KANK1: variants seen among roughly 807,000 people sequenced by gnomAD.
The protein encoded by KANK1 is KN motif and ankyrin repeat domain-containing protein 1.
A neutral mutation model predicts 106.2 loss-of-function variants in KANK1; 109 were observed. The ratio of observed to expected loss-of-function variants is 1.03; its 90% confidence interval spans 0.88 to 1.20. KANK1 has a LOEUF of 1.20. Among genes scored for constraint, KANK1 ranks in the 50% most tolerant of loss-of-function variants. The pLI is 0.00. For missense variants in KANK1, 2,399 were observed against 1,710.7 expected (o/e 1.40, Z -7.10); for synonymous variants, 873 against 652.2 (o/e 1.34, Z -5.16).
chr9:596,356 G>A (rs1189390267), intron 1 of KANK1, among the ~76,000 whole-genome samples: 1 of 151,900 alleles, frequency 6.6e-6, no homozygotes, highest in Non-Finnish European at 1.5e-5. Context: ...GTAAGGGAGG[G>A]TGTAGAACTT....
At chr9:634,598 A>G (rs140437587) in intron 1 of KANK1, among the ~76,000 whole-genome samples, 9 of 152,294 alleles carry the variant, frequency 5.9e-5, no homozygotes, top group African/African-American at 2.2e-4. Flanking sequence ...GGCCTTTATT[A>G]GTCTTACAAA....
chr9:711,007 G>C lies in KANK1; in HGVS notation c.241G>C (p.Gly81Arg), dbSNP rs1274427584. 3.1e-6 allele frequency: 5 copies of C among 1,614,138 alleles called. No homozygotes were observed. Reference sequence around the variant, plus strand: ...ATGCCCAGAACCCAGGACCACATCTGGTCAGCAAGGTATATGGACTTCCAC... The same window carrying C: ...ATGCCCAGAACCCAGGACCACATCTCGTCAGCAAGGTATATGGACTTCCAC... Reference protein sequence around the residue: ...VPCPEPRTTSGQQGIWTSTES... With the variant: ...VPCPEPRTTSRQQGIWTSTES... The change falls in exon 3 of 12, where the codon GGT becomes CGT. Residue 81 changes from glycine (G) to arginine (R), a missense_variant. Gly to Arg is a moderately radical substitution (Grantham distance 125, BLOSUM62 -2). Coordinates refer to ENST00000382297, the MANE Select transcript of KANK1 (RefSeq NM_015158.5).
intron 1 of KANK1, among the ~76,000 whole-genome samples, chr9:528,302 C>G (rs943735225): frequency 6.6e-6 from 1 of 151,694 alleles, no homozygotes; most frequent in Non-Finnish European, 1.5e-5. Context: ...ATAACTTTCC[C>G]TCTTTTCATT....
chr9:660,843 C>T (rs557391998), intron 1 of KANK1, among the ~76,000 whole-genome samples: 1 of 152,300 alleles, frequency 6.6e-6, no homozygotes, highest in East Asian at 1.9e-4. Flanking sequence ...AGGCCCCCTT[C>T]CCAATAGCGA....
intron 1 of KANK1, among the ~76,000 whole-genome samples, chr9:570,531 C>G (rs895269368): frequency 6.6e-6 from 1 of 152,138 alleles, no homozygotes; most frequent in African/African-American, 2.4e-5. Flanking sequence ...GTTAGAGGAT[C>G]TTTCATCAGC....
At chr9:482,729 G>C (rs949560079) in intron 3 of KANK1, among the ~76,000 whole-genome samples, 10 of 152,216 alleles carry the variant, frequency 6.6e-5, no homozygotes, top group African/African-American at 2.4e-4. Flanking sequence ...TTGGATGTAA[G>C]CAGCTGCCAT....
In KANK1 at chr9:711,016, G is replaced by A. The variant is rs1825893990; in HGVS notation, c.250G>A (p.Gly84Ser). 1.2e-6 allele frequency: 2 copies of A among 1,614,044 alleles called. No homozygotes were observed. Among genetic ancestry groups the A allele is most frequent in the Non-Finnish European group, 1.7e-6 (2 of 1,180,036 alleles). ...ACCCAGGACCACATCTGGTCAGCAA[G>A]GTATATGGACTTCCACTGAATCCCT... Reference protein sequence around the residue: ...PEPRTTSGQQGIWTSTESLSS... With the variant: ...PEPRTTSGQQSIWTSTESLSS... Residue 84 changes from glycine (G) to serine (S), a missense_variant, in exon 3 of 12, where the codon GGT becomes AGT. Transcript: ENST00000382297.
intron 3 of KANK1, among the ~76,000 whole-genome samples, chr9:485,869 CAAA>C (rs58910749): frequency 2.1e-3 from 206 of 98,306 alleles, no homozygotes; most frequent in Admixed American, 3.4e-3. Context: ...AGAATTGTCT[CAAA>C]AAAAAAAAAA....
chr9:541,828 G>A (rs1360708252), intron 1 of KANK1, among the ~76,000 whole-genome samples: 2 of 152,254 alleles, frequency 1.3e-5, no homozygotes, highest in Admixed American at 6.5e-5. Context: ...GGTGGCTCAC[G>A]CCTGTAATCC....
chr9:535,866 C>T (rs11789442), intron 1 of KANK1, among the ~76,000 whole-genome samples: 78,936 of 152,082 alleles, frequency 0.52, 24,439 homozygotes, highest in African/African-American at 0.84. Context: ...CAGGTCTGTT[C>T]AAGGCAACGT....
At chr9:703,704 T>C (rs2130484366) in intron 2 of KANK1, among the ~76,000 whole-genome samples, 1 of 152,166 alleles carries the variant, frequency 6.6e-6, no homozygotes, top group Non-Finnish European at 1.5e-5. Context: ...GGTAGATTTT[T>C]TTTTTTAAAC....
At position 664,717 on chromosome 9, in the gene KANK1, G is replaced by A. The variant is rs545884407; in HGVS notation, c.-83-12173G>A. Among the ~76,000 whole-genome samples the A allele has an allele frequency of 4.6e-5, 7 of 152,234 alleles. No homozygotes were observed. The South Asian group carries it at 1.5e-3, about 32-fold the overall frequency. On this transcript the variant is annotated intron_variant, in intron 1 of 11. Transcript: ENST00000382297. ...AGTAGTGGAATTGCTGGATCATATA[G>A]TATTCTACTTTTACATTTTTGAGGA...
At chr9:702,575 G>A (rs777623538) in intron 2 of KANK1, among the ~76,000 whole-genome samples, 1 of 152,172 alleles carries the variant, frequency 6.6e-6, no homozygotes, top group South Asian at 2.1e-4. Context: ...AATTATAAAT[G>A]TAAGTCGAAT....
intron 1 of KANK1, among the ~76,000 whole-genome samples, chr9:597,834 T>G (rs1381789169): frequency 6.6e-6 from 1 of 151,376 alleles, no homozygotes; most frequent in Non-Finnish European, 1.5e-5. Flanking sequence ...TGGCTAATTT[T>G]TTTGTATTTT....
intron 2 of KANK1, among the ~76,000 whole-genome samples, chr9:690,733 A>T (rs1819714055): frequency 6.6e-6 from 1 of 152,148 alleles, no homozygotes; most frequent in Non-Finnish European, 1.5e-5. Flanking sequence ...CTGGGGGAAA[A>T]GTGTTGCTGC....
rs189503382 is a variant in KANK1 at position 678,028 on chromosome 9, C to G, written c.37+1019C>G. Among the ~76,000 whole-genome samples, 420 of 152,294 alleles carry G rather than the reference C, an allele frequency of 2.8e-3. 4 individuals carry two copies. The highest frequency in any genetic ancestry group is 9.7e-3 in the African/African-American group (404 of 41,552). The stretch of plus-strand genomic sequence containing the variant: ...TGAAGACAACAGCAGGAAGTGACCT[C>G]TAAAGTGGGCATTCCCAGCCCATGA... On this transcript the variant is annotated intron_variant, in intron 2 of 11. Transcript: ENST00000382297.
At chr9:499,454 C>CT (rs1225380711) in intron 3 of KANK1, among the ~76,000 whole-genome samples, 1 of 152,184 alleles carries the variant, frequency 6.6e-6, no homozygotes, top group African/African-American at 2.4e-5. Flanking sequence ...CCAGATGAAG[C>CT]TGGCATCCCT....
At chr9:490,305 A>G (rs2058356686) in intron 3 of KANK1, among the ~76,000 whole-genome samples, 1 of 152,216 alleles carries the variant, frequency 6.6e-6, no homozygotes, top group Non-Finnish European at 1.5e-5. Flanking sequence ...CAGGAGTTCA[A>G]GACCATCCTG....
At chr9:585,801 G>C (rs1823314131) in intron 1 of KANK1, among the ~76,000 whole-genome samples, 1 of 152,196 alleles carries the variant, frequency 6.6e-6, no homozygotes, top group Non-Finnish European at 1.5e-5. Context: ...CAGGGTGTAA[G>C]TGTTTGTTCT....
Sources: allele counts gnomAD v4.1 joint callset (sites outside exome capture counted in the v4.1 genomes callset), GRCh38; gene constraint gnomAD v4.1.1; transcripts MANE v1.5; gene names NCBI Gene and HGNC (gene_info 2026-07-23, HGNC 2026-07-21).